WDR7: variants seen among roughly 807,000 people sequenced by gnomAD.
WDR7 encodes the protein WD repeat domain 7.
A neutral mutation model predicts 169.4 loss-of-function variants in WDR7; 46 were observed. That is an observed-to-expected ratio of 0.27 (90% CI 0.21 to 0.35). The LOEUF is 0.35. Ranked by LOEUF, WDR7 falls within the 10% of genes least tolerant of loss-of-function variation. The pLI is 1.00. For synonymous variants in WDR7, 612 were observed against 666.8 expected (o/e 0.92, Z 1.27); for missense variants, 1,534 against 1,859.3 (o/e 0.83, Z 3.22).
intron 27 of WDR7, 78 bp downstream of exon 27, chr18:57,020,927 A>G (rs1291425150): frequency 1.5e-6 from 2 of 1,330,460 alleles, no homozygotes; most frequent in East Asian, 2.3e-5. Context: ...TGTTGAGCCT[A>G]CCTGCCGGCC....
At chr18:56,689,666 A>C (rs1019083074) in intron 7 of WDR7, among the ~76,000 whole-genome samples, 118 of 152,296 alleles carry the variant, frequency 7.7e-4, no homozygotes, top group African/African-American at 2.8e-3. Context: ...GGACCCCCCC[A>C]GTTCCTGATG....
intron 19 of WDR7, among the ~76,000 whole-genome samples, chr18:56,788,373 A>C (rs1324581480): frequency 6.6e-6 from 1 of 152,036 alleles, no homozygotes; most frequent in Non-Finnish European, 1.5e-5. Flanking sequence ...ATTGTTACCA[A>C]TTTTTATTGC....
intron 19 of WDR7, among the ~76,000 whole-genome samples, chr18:56,812,747 C>T (rs2044893597): frequency 6.6e-6 from 1 of 152,094 alleles, no homozygotes; most frequent in Non-Finnish European, 1.5e-5. Context: ...ATCCCAGCTC[C>T]AGGAGTGAGA....
chr18:56,818,737 A>G (rs183194694), intron 20 of WDR7, among the ~76,000 whole-genome samples: 27 of 152,316 alleles, frequency 1.8e-4, no homozygotes, highest in Non-Finnish European at 3.1e-4. Flanking sequence ...AATATGGTAG[A>G]TGCATTGAGA....
Position 56,682,680 on chromosome 18 carries a change from T to C in WDR7, c.347T>C (p.Phe116Ser). The C allele has an allele frequency of 1.2e-6, 2 of 1,612,224 alleles. No individual in the cohort carries two copies. The highest frequency in any genetic ancestry group is 1.7e-6 in the Non-Finnish European group (2 of 1,179,304). Residue 116 changes from phenylalanine (F) to serine (S), a missense_variant and splice_region_variant, in exon 5 of 28, where the codon TTC (phenylalanine) becomes TCC (serine). Transcript: ENST00000254442. ...TTTTTCCTTTTGGCATGAATGTAGT[T>C]CTACCAGTTCTCTGTTGGGAATCAG... ...KLACTHTGIQ[F>S]YQFSVGNQRE...
chr18:56,980,389 A>G (rs1008396308), intron 26 of WDR7, among the ~76,000 whole-genome samples: 1 of 152,168 alleles, frequency 6.6e-6, no homozygotes, highest in African/African-American at 2.4e-5. Flanking sequence ...AGCCCAAGAC[A>G]TATGGAGTGT....
chr18:56,878,685 C>T (rs2046063068), intron 20 of WDR7, among the ~76,000 whole-genome samples: 1 of 152,264 alleles, frequency 6.6e-6, no homozygotes, highest in South Asian at 2.1e-4. Flanking sequence ...ATTTTCATTA[C>T]TCCCTAAAAC....
chr18:56,718,215 C>G (rs1165985926), intron 13 of WDR7, 56 bp downstream of exon 13: 2 of 1,355,622 alleles, frequency 1.5e-6, no homozygotes, highest in Non-Finnish European at 1.9e-6. Context: ...ATTTCATTTT[C>G]TAGAAATGAA....
intron 20 of WDR7, among the ~76,000 whole-genome samples, chr18:56,866,328 C>G (rs868348368): frequency 1.3e-5 from 2 of 151,546 alleles, no homozygotes; most frequent in Admixed American, 1.3e-4. Context: ...TTTTTTAAAT[C>G]TTAATAGTTT....
chr18:56,829,064 C>T (rs2045263349), intron 20 of WDR7, among the ~76,000 whole-genome samples: 1 of 149,606 alleles, frequency 6.7e-6, no homozygotes, highest in Non-Finnish European at 1.5e-5. Context: ...ACGAGGATAG[C>T]TTCAGACCAG....
At chr18:56,961,095 C>T (rs2047333069) in intron 25 of WDR7, among the ~76,000 whole-genome samples, 1 of 151,894 alleles carries the variant, frequency 6.6e-6, no homozygotes, top group East Asian at 1.9e-4. Flanking sequence ...TAATAAGTAA[C>T]AAAAGTTTAA....
At chr18:56,840,020 C>A (rs566578712) in intron 20 of WDR7, among the ~76,000 whole-genome samples, 251 of 152,232 alleles carry the variant, frequency 1.6e-3, no homozygotes, top group South Asian at 8.3e-3. Context: ...CAAGATCGCG[C>A]CACTGCACTC....
chr18:56,895,820 C>T (rs1177290460), intron 21 of WDR7, among the ~76,000 whole-genome samples: 1 of 151,674 alleles, frequency 6.6e-6, no homozygotes, highest in Non-Finnish European at 1.5e-5. Flanking sequence ...TGGGTGATTC[C>T]ATATGGCAAA....
intron 14 of WDR7, among the ~76,000 whole-genome samples, chr18:56,745,749 T>C (rs2043692603): frequency 6.6e-6 from 1 of 152,128 alleles, no homozygotes; most frequent in East Asian, 1.9e-4. Flanking sequence ...AGTTTATAAA[T>C]AGCAAAATAT....
chr18:56,949,128 GTCTCTC>G (rs10537966), intron 25 of WDR7, among the ~76,000 whole-genome samples: 8,442 of 143,488 alleles, frequency 0.059, 760 homozygotes, highest in African/African-American at 0.21. Flanking sequence ...GTTTTCTAAA[GTCTCTC>G]TCTCTCTCTC....
intron 13 of WDR7, among the ~76,000 whole-genome samples, chr18:56,726,881 C>G (rs11876421): frequency 0.033 from 4,962 of 152,116 alleles, 267 homozygotes; most frequent in African/African-American, 0.11. Context: ...GTACTGTACC[C>G]TGTAATCTTT....
chr18:57,026,175 T>C (rs1202515827), intron 27 of WDR7, among the ~76,000 whole-genome samples: 2 of 152,222 alleles, frequency 1.3e-5, no homozygotes, highest in Non-Finnish European at 2.9e-5. Flanking sequence ...TACCATTCAG[T>C]ATTTAGTACT....
chr18:56,780,154 C>G (rs1010985823), intron 18 of WDR7, among the ~76,000 whole-genome samples: 1 of 152,160 alleles, frequency 6.6e-6, no homozygotes, highest in Admixed American at 6.5e-5. Flanking sequence ...GTACCTGACA[C>G]ATGGTAGGAG....
intron 2 of WDR7, among the ~76,000 whole-genome samples, chr18:56,675,416 A>G (rs1203062100): frequency 2.0e-5 from 3 of 151,982 alleles, no homozygotes; most frequent in Non-Finnish European, 4.4e-5. Flanking sequence ...TCAGAATATA[A>G]GGTTTGTATT....
Sources: allele counts gnomAD v4.1 joint callset (sites outside exome capture counted in the v4.1 genomes callset), GRCh38; gene constraint gnomAD v4.1.1; transcripts MANE v1.5; gene names NCBI Gene and HGNC (gene_info 2026-07-23, HGNC 2026-07-21).